FLI1: variants seen among roughly 807,000 people sequenced by gnomAD.
The protein encoded by FLI1 is Fli-1 proto-oncogene, ETS transcription factor, also known as Friend leukemia integration 1 transcription factor.
In FLI1, 13 loss-of-function variants were observed where a neutral mutation model predicts 53.1. The observed-to-expected ratio is 0.24, with a 90% CI of 0.16 to 0.39. FLI1 has a LOEUF of 0.39. Ranked by LOEUF, FLI1 falls within the 10% of genes least tolerant of loss-of-function variation. The pLI is 1.00. For missense variants in FLI1, 424 were observed against 600.5 expected (o/e 0.71, Z 3.07); for synonymous variants, 244 against 236.7 (o/e 1.03, Z -0.28).
intron 5 of FLI1, among the ~76,000 whole-genome samples, chr11:128,786,044 A>G (rs569137955): frequency 6.6e-6 from 1 of 152,368 alleles, no homozygotes; most frequent in East Asian, 1.9e-4. Context: ...ATTAAAATAA[A>G]AAAATACTGA....
At chr11:128,755,677 C>T (rs2135803930) in intron 1 of FLI1, among the ~76,000 whole-genome samples, 1 of 152,342 alleles carries the variant, frequency 6.6e-6, no homozygotes, top group Non-Finnish European at 1.5e-5. Context: ...CTGACAAGCA[C>T]AGCTTTACTC....
intron 1 of FLI1, among the ~76,000 whole-genome samples, chr11:128,753,482 A>G (rs1259241423): frequency 6.6e-6 from 1 of 152,218 alleles, no homozygotes; most frequent in Non-Finnish European, 1.5e-5. Context: ...GTGAATTTGC[A>G]TGCTGGTGTT....
chr11:128,702,181 A>T (rs908445027), intron 1 of FLI1, among the ~76,000 whole-genome samples: 1 of 152,218 alleles, frequency 6.6e-6, no homozygotes, highest in Non-Finnish European at 1.5e-5. Context: ...ATACTCATTC[A>T]TGTATTCATT....
chr11:128,741,679 G>A (rs917328538), intron 1 of FLI1, among the ~76,000 whole-genome samples: 2 of 152,236 alleles, frequency 1.3e-5, no homozygotes, highest in African/African-American at 2.4e-5. Flanking sequence ...CTGGCTCTCT[G>A]TGACCAGAAA....
upstream of FLI1, among the ~76,000 whole-genome samples, chr11:128,690,100 A>T (rs904961769): frequency 1.3e-5 from 2 of 152,216 alleles, no homozygotes; most frequent in African/African-American, 4.8e-5. Context: ...TGTTTGGCTA[A>T]GGTCAGACGA....
intron 1 of FLI1, among the ~76,000 whole-genome samples, chr11:128,695,646 G>C (rs1938038303): frequency 6.6e-6 from 1 of 152,186 alleles, no homozygotes; most frequent in African/African-American, 2.4e-5. Flanking sequence ...CAAATCTGGA[G>C]ATGAGATAAC....
At chr11:128,686,219 A>G, upstream of FLI1, 1 of 385,222 alleles carries the variant, frequency 2.6e-6, no homozygotes, top group Non-Finnish European at 5.2e-6. Context: ...AAGAAAGGGG[A>G]GTCCTACCTC....
At chr11:128,791,838 C>T (rs1316198314) in intron 5 of FLI1, among the ~76,000 whole-genome samples, 1 of 152,204 alleles carries the variant, frequency 6.6e-6, no homozygotes, top group Non-Finnish European at 1.5e-5. Context: ...AGAGCCCCTT[C>T]TTGGCCCAAC....
At chr11:128,805,737 G>T (rs1942764694) in intron 6 of FLI1, 1 of 282,396 alleles carries the variant, frequency 3.5e-6, no homozygotes, top group East Asian at 7.0e-5. Flanking sequence ...TTTTGCTTTT[G>T]TTATTTAAAT....
chr11:128,742,183 C>T (rs545353556), intron 1 of FLI1, among the ~76,000 whole-genome samples: 1 of 152,276 alleles, frequency 6.6e-6, no homozygotes, highest in South Asian at 2.1e-4. Flanking sequence ...ACCCATTTAG[C>T]TCACTGTAGA....
At chr11:128,712,237 T>C (rs1399166310) in intron 1 of FLI1, among the ~76,000 whole-genome samples, 1 of 152,176 alleles carries the variant, frequency 6.6e-6, no homozygotes, top group Non-Finnish European at 1.5e-5. Context: ...TTGCTCCTGC[T>C]CTTGCTATGT....
At chr11:128,751,807 C>G (rs1456238455) in intron 1 of FLI1, among the ~76,000 whole-genome samples, 1 of 146,756 alleles carries the variant, frequency 6.8e-6, no homozygotes, top group Non-Finnish European at 1.5e-5. Flanking sequence ...GGATTACAGG[C>G]GTGGGTTTTT....
intron 1 of FLI1, among the ~76,000 whole-genome samples, chr11:128,746,426 C>G (rs1940392144): frequency 6.6e-6 from 1 of 152,220 alleles, no homozygotes; most frequent in South Asian, 2.1e-4. Flanking sequence ...GCCTCCACCC[C>G]TGGTGGACAA....
At chr11:128,715,069 G>A (rs978989427) in intron 1 of FLI1, among the ~76,000 whole-genome samples, 6 of 151,990 alleles carry the variant, frequency 3.9e-5, no homozygotes, top group East Asian at 1.9e-4. Flanking sequence ...ATCATGACTC[G>A]CACGCACCCA....
At chr11:128,717,794 T>A (rs1939081834) in intron 1 of FLI1, among the ~76,000 whole-genome samples, 1 of 152,144 alleles carries the variant, frequency 6.6e-6, no homozygotes, top group Non-Finnish European at 1.5e-5. Flanking sequence ...TGAAAAGGGG[T>A]GGCTCTAAGA....
intron 5 of FLI1, among the ~76,000 whole-genome samples, chr11:128,791,713 A>T (rs1475878077): frequency 6.6e-6 from 1 of 152,152 alleles, no homozygotes; most frequent in Non-Finnish European, 1.5e-5. Context: ...CCCTGCCCTA[A>T]ATTTCCATTG....
At chr11:128,706,083 G>T (rs992725934) in intron 1 of FLI1, among the ~76,000 whole-genome samples, 1 of 152,136 alleles carries the variant, frequency 6.6e-6, no homozygotes, top group Admixed American at 6.5e-5. Flanking sequence ...CTTCAAGAGG[G>T]ACGTGGAACA....
intron 1 of FLI1, among the ~76,000 whole-genome samples, chr11:128,709,436 C>T (rs1938693383): frequency 6.6e-6 from 1 of 152,156 alleles, no homozygotes; most frequent in African/African-American, 2.4e-5. Context: ...CAGTTAGTGA[C>T]TTATTCATAT....
intron 4 of FLI1, among the ~76,000 whole-genome samples, chr11:128,774,381 G>C (rs187767849): frequency 1.3e-5 from 2 of 152,186 alleles, no homozygotes; most frequent in Non-Finnish European, 2.9e-5. Context: ...TTCAAAAAAG[G>C]GGACAATTTT....
Sources: gnomAD v4.1 joint callset for allele counts (sites outside exome capture counted in the v4.1 genomes callset) on GRCh38, gnomAD v4.1.1 for gene constraint, MANE v1.5 for transcripts, NCBI Gene and HGNC (gene_info 2026-07-23, HGNC 2026-07-21) for gene names.